DGAT2L6: variants seen among roughly 807,000 people sequenced by gnomAD.
The protein encoded by DGAT2L6 is diacylglycerol O-acyltransferase 2-like protein 6.
Under a neutral mutation model 25.5 loss-of-function variants are expected in DGAT2L6, and 22 were observed. The observed-to-expected ratio is 0.86, with a 90% CI of 0.62 to 1.23. The LOEUF (loss-of-function observed/expected upper bound fraction) is 1.23, where lower values mean the gene tolerates loss of function less well. DGAT2L6 is among the 50% of genes most tolerant of loss of function. The pLI is 0.00. For synonymous variants in DGAT2L6, 100 were observed against 94.7 expected (o/e 1.06, Z -0.32); for missense variants, 287 against 253.2 (o/e 1.13, Z -0.91).
In DGAT2L6 at chrX:70,200,321, C is replaced by G. The variant is rs976163247; in HGVS notation, c.334C>G (p.Leu112Val). ...CATTGCCAATCACCCCCATGGCATTCTCTCTTTTGGTGTCTTCATCAACTT... is the reference window on the plus strand; with the variant it reads ...CATTGCCAATCACCCCCATGGCATTGTCTCTTTTGGTGTCTTCATCAACTT... ...YIIANHPHGI[L>V]SFGVFINFAT... Residue 112 changes from leucine (L) to valine (V), a missense_variant, in exon 4 of 7, where the codon CTC (leucine) becomes GTC (valine). Coordinates refer to ENST00000333026, the MANE Select transcript of DGAT2L6 (RefSeq NM_198512.3). 3.8e-5 allele frequency: 46 copies of G among 1,209,875 alleles called. No individual in the cohort carries two copies. Among genetic ancestry groups the G allele is most frequent in the Non-Finnish European group, 4.8e-5 (43 of 895,093 alleles).
At position 70,188,595 on chromosome X, in the gene DGAT2L6, A is replaced by C. The variant is rs2147604623; in HGVS notation, c.86-10676A>C. On this transcript the variant is annotated intron_variant, in intron 1 of 6. Coordinates refer to ENST00000333026, the MANE Select transcript of DGAT2L6 (RefSeq NM_198512.3). ...CTATGCAATCTCTGCAAGAAAGCTT[A>C]AGAGAAAGGAACATTTCCCAACTCA... Among the ~76,000 whole-genome samples, 2 of 111,511 alleles carry C rather than the reference A, an allele frequency of 1.8e-5. 1 individual carries two copies. Among genetic ancestry groups the C allele is most frequent in the South Asian group, 7.5e-4 (2 of 2,656 alleles).
At chrX:70,185,687 C>T in intron 1 of DGAT2L6, among the ~76,000 whole-genome samples, 1 of 111,011 alleles carries the variant, frequency 9.0e-6, no homozygotes, top group Non-Finnish European at 1.9e-5. Flanking sequence ...GTTCCCAACC[C>T]TGTCCCCATG....
At chrX:70,193,110 A>G (rs1361384385) in intron 1 of DGAT2L6, among the ~76,000 whole-genome samples, 1 of 110,929 alleles carries the variant, frequency 9.0e-6, no homozygotes, top group Non-Finnish European at 1.9e-5. Context: ...GTTCAAGACC[A>G]GCTCGGCCAA....
chrX:70,202,311 C>T (rs763433259), intron 5 of DGAT2L6, among the ~76,000 whole-genome samples: 2 of 112,206 alleles, frequency 1.8e-5, no homozygotes, highest in South Asian at 7.4e-4. Context: ...TGCCCATTGG[C>T]CTGGTAGGCT....
chrX:70,204,329 C>T lies in DGAT2L6; in HGVS notation c.672C>T (p.Ser224=), dbSNP rs1353058171. 1.7e-6 allele frequency: 2 copies of T among 1,208,550 alleles called. No individual in the cohort carries two copies. Among genetic ancestry groups the T allele is most frequent in the Non-Finnish European group, 2.2e-6 (2 of 893,904 alleles). The part of the protein sequence containing the change: ...QTGAYLVPSY[S]FGENEVFNQE... ...GGGCATACCTTGTCCCTTCATATTCCTTTGGTGAGAACGAAGTTTTCAATC... is the reference window on the plus strand; with the variant it reads ...GGGCATACCTTGTCCCTTCATATTCTTTTGGTGAGAACGAAGTTTTCAATC... The change falls in exon 6 of 7, where the codon TCC becomes TCT. Residue 224 remains serine (S), a synonymous_variant. Coordinates refer to ENST00000333026, the MANE Select transcript of DGAT2L6 (RefSeq NM_198512.3).
intron 1 of DGAT2L6, among the ~76,000 whole-genome samples, chrX:70,190,208 G>A (rs747202081): frequency 5.4e-5 from 6 of 112,013 alleles, no homozygotes; most frequent in Admixed American, 1.9e-4. Context: ...TTCAAGGAAC[G>A]GTGTAGGAAA....
intron 1 of DGAT2L6, among the ~76,000 whole-genome samples, chrX:70,193,074 C>A (rs1449189440): frequency 9.0e-6 from 1 of 110,972 alleles, no homozygotes; most frequent in Non-Finnish European, 1.9e-5. Context: ...AAGCCCAGGA[C>A]CAGACAGCTT....
intron 2 of DGAT2L6, 91 bp downstream of exon 2, chrX:70,199,472 G>A (rs940698262): frequency 6.6e-5 from 37 of 559,893 alleles, no homozygotes; most frequent in African/African-American, 9.4e-5. Context: ...AGAACCAAGG[G>A]TAGGGGAGAG....
Position 70,177,527 on chromosome X carries a change from A to G in DGAT2L6, c.-56A>G, listed in dbSNP as rs2085330548. The G allele has an allele frequency of 9.5e-7, 1 of 1,055,941 alleles. No homozygotes were observed. The highest frequency in any genetic ancestry group is 1.9e-5 in the African/African-American group (1 of 53,899). 87.0% of individuals were successfully genotyped at this position (1,055,941 alleles called of 1,213,427 possible). On this transcript the variant is annotated 5_prime_UTR_variant, in exon 1 of 7. Coordinates refer to ENST00000333026, the MANE Select transcript of DGAT2L6 (RefSeq NM_198512.3). Reference sequence around the variant, plus strand: ...AAAGCATCTATAATCAACTCAGCTTAAGAAGTTTTGACCTTCTGGTTAGGC... The same window carrying G: ...AAAGCATCTATAATCAACTCAGCTTGAGAAGTTTTGACCTTCTGGTTAGGC...
chrX:70,193,262 C>T (rs1002070675), intron 1 of DGAT2L6, among the ~76,000 whole-genome samples: 4 of 107,586 alleles, frequency 3.7e-5, no homozygotes, highest in Admixed American at 2.0e-4. Context: ...GAGCCGAGAT[C>T]GCGCCATTGC....
Position 70,188,863 on chromosome X carries a change from A to G in DGAT2L6, c.86-10408A>G, listed in dbSNP as rs370012506. 5.7e-3 allele frequency among the ~76,000 whole-genome samples: 626 copies of G among 109,851 alleles called. 4 individuals carry two copies. Among genetic ancestry groups the G allele is most frequent in the African/African-American group, 0.02 (603 of 30,195 alleles). The stretch of plus-strand genomic sequence containing the variant: ...CTACCATACTAACCATCTAAGCATG[A>G]AAAAACCCCATGTAATCATATCAAT... On this transcript the variant is annotated intron_variant, in intron 1 of 6. Coordinates refer to ENST00000333026, the MANE Select transcript of DGAT2L6 (RefSeq NM_198512.3).
At chrX:70,198,137 C>T (rs73214982) in intron 1 of DGAT2L6, among the ~76,000 whole-genome samples, 7,191 of 111,992 alleles carry the variant, frequency 0.064, 234 homozygotes, top group Middle Eastern at 0.11. Flanking sequence ...GAAGTCATTC[C>T]CTTAGCTAAG....
chrX:70,204,282 C>T (rs1195142741), intron 5 of DGAT2L6, 23 bp from the exon 6 acceptor site: 2 of 1,166,584 alleles, frequency 1.7e-6, no homozygotes, highest in East Asian at 3.1e-5. Flanking sequence ...AGAGAGCTCA[C>T]ACTCCTGCCC....
Position 70,183,136 on chromosome X carries a change from T to A in DGAT2L6, c.85+5469T>A, listed in dbSNP as rs976759496. Among the ~76,000 whole-genome samples the A allele has an allele frequency of 2.7e-5, 3 of 112,535 alleles. No individual in the cohort carries two copies. The East Asian group carries it at 8.4e-4, about 32-fold the overall frequency. ...TCTCCTGCTCAAAAATAGTCAGTGG[T>A]TTCCCATTGCCTAAGTGATGATGTA... On this transcript the variant is annotated intron_variant, in intron 1 of 6. Transcript: ENST00000333026.
At chrX:70,184,655 G>A (rs889844010) in intron 1 of DGAT2L6, among the ~76,000 whole-genome samples, 6 of 109,415 alleles carry the variant, frequency 5.5e-5, no homozygotes, top group Non-Finnish European at 1.1e-4. Flanking sequence ...TTGTAGAGAC[G>A]AGGTCTCACT....
chrX:70,202,608 T>C (rs1452542703), intron 5 of DGAT2L6, among the ~76,000 whole-genome samples: 1 of 111,919 alleles, frequency 8.9e-6, no homozygotes, highest in Non-Finnish European at 1.9e-5. Context: ...GACAGACCCA[T>C]GCACATATAA....
rs1436172098 is a variant in DGAT2L6, at chrX:70,180,461, AAAAAATAAAAAAT to A, written c.85+2806_85+2818del. On this transcript the variant is annotated intron_variant, in intron 1 of 6. Transcript: ENST00000333026. ...AGACTCTGTCTCAAACAAAAAAAGT[AAAAAATAAAAAAT>A]AAAAATAAAAATAAAGAATAAACGG... Among the ~76,000 whole-genome samples the A allele has an allele frequency of 4.5e-5, 5 of 111,154 alleles. No homozygotes were observed. The East Asian group carries it at 1.4e-3, about 31-fold the overall frequency.
intron 1 of DGAT2L6, among the ~76,000 whole-genome samples, chrX:70,183,161 ATAAAGGTATCAGACTG>A (rs2085349171): frequency 8.9e-6 from 1 of 112,729 alleles, no homozygotes; most frequent in African/African-American, 3.2e-5. Flanking sequence ...GTGATGATGT[ATAAAGGTATCAGACTG>A]GGCATTCAAA....
At position 70,200,405 on chromosome X, in the gene DGAT2L6, A is replaced by C. The variant is rs1165805048; in HGVS notation, c.418A>C (p.Thr140Pro). ...IFPSITPFVGTLERIFWIPIV... is the reference protein window; with the variant it reads ...IFPSITPFVGPLERIFWIPIV... ...CCCATCCATCACTCCCTTTGTAGGG[A>C]CCTTAGAAAGGATATTTTGGATCCC... Residue 140 changes from threonine to proline, a missense_variant, in exon 4 of 7, where the codon ACC becomes CCC. Transcript: ENST00000333026. 3 of 1,211,735 alleles carry C rather than the reference A, an allele frequency of 2.5e-6. No homozygotes were observed.
Sources: allele counts gnomAD v4.1 joint callset (sites outside exome capture counted in the v4.1 genomes callset), GRCh38; gene constraint gnomAD v4.1.1; transcripts MANE v1.5; gene names NCBI Gene and HGNC (gene_info 2026-07-23, HGNC 2026-07-21).